ZDHHC14: variants seen among roughly 807,000 people sequenced by gnomAD.
The protein encoded by ZDHHC14 is palmitoyltransferase ZDHHC14.
Under a neutral mutation model 47.7 loss-of-function variants are expected in ZDHHC14, and 16 were observed. That is an observed-to-expected ratio of 0.34 (90% CI 0.23 to 0.51). ZDHHC14 has a LOEUF of 0.51. Ranked by LOEUF, ZDHHC14 falls within the 20% of genes least tolerant of loss-of-function variation. The probability of loss-of-function intolerance (pLI) is 0.97; values close to 1 mark genes in which losing one functional copy is unlikely to be tolerated. For missense variants in ZDHHC14, 515 were observed against 662.5 expected, an observed-to-expected ratio of 0.78 and a Z score of 2.44; for synonymous variants, 293 against 278.9, an observed-to-expected ratio of 1.05 and a Z score of -0.50.
intron 8 of ZDHHC14, among the ~76,000 whole-genome samples, chr6:157,663,232 G>A (rs1368666477): frequency 1.3e-5 from 2 of 152,220 alleles, no homozygotes; most frequent in African/African-American, 4.8e-5. Flanking sequence ...GAGAACATCG[G>A]CAGGAGAGGA....
chr6:157,563,141 C>A (rs1265050115), intron 2 of ZDHHC14, among the ~76,000 whole-genome samples: 1 of 152,214 alleles, frequency 6.6e-6, no homozygotes, highest in Non-Finnish European at 1.5e-5. Context: ...AGGCAGAGTC[C>A]TTGCTCCCAC....
intron 3 of ZDHHC14, among the ~76,000 whole-genome samples, chr6:157,615,681 A>G (rs1020218792): frequency 2.0e-5 from 3 of 152,228 alleles, no homozygotes; most frequent in Non-Finnish European, 4.4e-5. Context: ...AGCAGTGCCC[A>G]TCATGTGGTG....
chr6:157,609,432 G>A (rs958990722), intron 3 of ZDHHC14, among the ~76,000 whole-genome samples: 42 of 152,224 alleles, frequency 2.8e-4, no homozygotes, highest in African/African-American at 8.7e-4. Context: ...AGGAACAGCT[G>A]AGGATGATTG....
intron 1 of ZDHHC14, among the ~76,000 whole-genome samples, chr6:157,492,389 C>A (rs552148336): frequency 6.6e-6 from 1 of 152,176 alleles, no homozygotes; most frequent in Non-Finnish European, 1.5e-5. Flanking sequence ...CTCTGCCCTT[C>A]CCCTTCAGCC....
chr6:157,521,290 C>A (rs1376272095), intron 1 of ZDHHC14, among the ~76,000 whole-genome samples: 5 of 152,194 alleles, frequency 3.3e-5, no homozygotes, highest in Non-Finnish European at 7.4e-5. Flanking sequence ...GTGCTTATCA[C>A]ACAATATGGG....
chr6:157,460,665 T>A (rs1482633046), intron 1 of ZDHHC14, among the ~76,000 whole-genome samples: 1 of 152,154 alleles, frequency 6.6e-6, no homozygotes, highest in Non-Finnish European at 1.5e-5. Context: ...TTCTCAGAAG[T>A]CTGGAATGTG....
chr6:157,392,978 C>G (rs1777449814), intron 1 of ZDHHC14, among the ~76,000 whole-genome samples: 1 of 152,114 alleles, frequency 6.6e-6, no homozygotes, highest in African/African-American at 2.4e-5. Context: ...CTCCCGTGTT[C>G]AAGCAATTGT....
At chr6:157,556,968 G>A (rs111795593) in intron 2 of ZDHHC14, among the ~76,000 whole-genome samples, 9,972 of 152,186 alleles carry the variant, frequency 0.066, 426 homozygotes, top group African/African-American at 0.12. Context: ...GAACTGGAGC[G>A]CAGAGGGATC....
chr6:157,527,404 C>A (rs1781196152), intron 1 of ZDHHC14, among the ~76,000 whole-genome samples: 1 of 152,202 alleles, frequency 6.6e-6, no homozygotes, highest in Admixed American at 6.5e-5. Flanking sequence ...CCCAGATTTT[C>A]CATTCAAAAA....
chr6:157,440,765 A>G (rs963947115), intron 1 of ZDHHC14, among the ~76,000 whole-genome samples: 2 of 152,246 alleles, frequency 1.3e-5, no homozygotes, highest in Admixed American at 1.3e-4. Flanking sequence ...TACAACATGG[A>G]TTAACCTTAA....
chr6:157,524,907 A>G (rs900826920), intron 1 of ZDHHC14, among the ~76,000 whole-genome samples: 4 of 152,242 alleles, frequency 2.6e-5, no homozygotes, highest in South Asian at 4.1e-4. Context: ...TTGCTGTGTA[A>G]CAAATGACCC....
intron 2 of ZDHHC14, among the ~76,000 whole-genome samples, chr6:157,567,957 T>C (rs1782967975): frequency 6.6e-6 from 1 of 152,210 alleles, no homozygotes; most frequent in Non-Finnish European, 1.5e-5. Context: ...TTTCAAGAGC[T>C]GCAGGTGGCC....
chr6:157,506,719 A>T (rs1562452719), intron 1 of ZDHHC14, among the ~76,000 whole-genome samples: 3 of 152,170 alleles, frequency 2.0e-5, no homozygotes, highest in African/African-American at 7.2e-5. Flanking sequence ...CTGACGACAG[A>T]TATATTTTAT....
Position 157,613,155 on chromosome 6 carries a change from C to T in ZDHHC14, c.566-15194C>T, listed in dbSNP as rs947489985. Among the ~76,000 whole-genome samples the T allele has an allele frequency of 7.9e-5, 12 of 152,296 alleles. No homozygotes were observed. In the East Asian group the frequency reaches 1.2e-3, roughly 15 times the overall value. On this transcript the variant is annotated intron_variant, in intron 3 of 8. Transcript: ENST00000359775. ...CAACCTACACGTGTATTTATCTACT[C>T]AACAGATATCGGAGGGCCTCACGTG... is the stretch of plus-strand genomic sequence containing the variant.
intron 1 of ZDHHC14, among the ~76,000 whole-genome samples, chr6:157,441,922 C>T (rs572359725): frequency 5.8e-4 from 88 of 152,230 alleles, no homozygotes; most frequent in African/African-American, 1.9e-3. Flanking sequence ...ATTTCTGTTT[C>T]GTGGAAACAA....
rs564064331 is a variant in ZDHHC14, at chr6:157,503,115, T to C, written c.246-39470T>C. Among the ~76,000 whole-genome samples, 5 of 152,304 alleles carry C rather than the reference T, an allele frequency of 3.3e-5. No individual in the cohort carries two copies. In the South Asian group the frequency reaches 8.3e-4, roughly 25 times the overall value. ...ATTTGCCTAAATTGGCACCCAGAGA[T>C]AGCAGGCTCCATGTTGGTCTGTGTG... On this transcript the variant is annotated intron_variant, in intron 1 of 8. Transcript: ENST00000359775.
intron 1 of ZDHHC14, among the ~76,000 whole-genome samples, chr6:157,540,884 A>ATGTGTGTGTG (rs761747961): frequency 0.023 from 2,733 of 117,036 alleles, 39 homozygotes; most frequent in Middle Eastern, 0.038. Context: ...ATATATATGT[A>ATGTGTGTGTG]TGTATGTGTG....
At chr6:157,670,562 T>A (rs1370633495) in intron 8 of ZDHHC14, among the ~76,000 whole-genome samples, 4 of 152,204 alleles carry the variant, frequency 2.6e-5, no homozygotes, top group African/African-American at 9.6e-5. Context: ...CCCAAAGTGC[T>A]GGGATTATAG....
chr6:157,399,458 C>G (rs150127453), intron 1 of ZDHHC14, among the ~76,000 whole-genome samples: 1,772 of 152,298 alleles, frequency 0.012, 15 homozygotes, highest in Non-Finnish European at 0.016. Flanking sequence ...GCCCTGTCTT[C>G]GGGCGGGCTT....
Sources: allele counts gnomAD v4.1 joint callset (sites outside exome capture counted in the v4.1 genomes callset), GRCh38; gene constraint gnomAD v4.1.1; transcripts MANE v1.5; gene names NCBI Gene and HGNC (gene_info 2026-07-23, HGNC 2026-07-21).